Variants in SLC10A7 observed in about 807,000 individuals in gnomAD.
The protein encoded by SLC10A7 is solute carrier family 10 member 7, also known as sodium/bile acid cotransporter 7.
SLC10A7 carries 29 observed loss-of-function variants against 43.2 expected under a neutral mutation model. The observed-to-expected ratio is 0.67, with a 90% CI of 0.50 to 0.92. SLC10A7 has a LOEUF of 0.92. Among genes scored for constraint, SLC10A7 ranks in the 40% least tolerant of loss-of-function variants. The pLI is 0.00. For missense variants in SLC10A7, 295 were observed against 403.2 expected (o/e 0.73, Z 2.30); for synonymous variants, 152 against 144.8 (o/e 1.05, Z -0.35).
At chr4:146,481,565 G>C (rs376710505) in intron 4 of SLC10A7, among the ~76,000 whole-genome samples, 1 of 152,206 alleles carries the variant, frequency 6.6e-6, no homozygotes, top group African/African-American at 2.4e-5. Flanking sequence ...CCCTGGGCCT[G>C]AGCCTCTGGA....
chr4:146,344,144 C>T (rs957058295), intron 5 of SLC10A7, among the ~76,000 whole-genome samples: 3 of 152,000 alleles, frequency 2.0e-5, no homozygotes, highest in Admixed American at 2.0e-4. Flanking sequence ...AGTTAAGTTG[C>T]AGTATCTAAG....
chr4:146,258,688 TCACC>T lies in SLC10A7; in HGVS notation c.993_993+3del. ...ATCCAAATAAGATCTTTCTGGGGAC[TCACC>T]TTCTGCCTTGATACCATCCAAGACT... On this transcript the variant is annotated splice_donor_variant and splice_donor_region_variant and coding_sequence_variant and intron_variant, in exon 11 of 12. Transcript: ENST00000335472. LOFTEE classifies it high-confidence loss of function. The T allele has an allele frequency of 6.3e-7, 1 of 1,577,086 alleles. No homozygotes were observed. Among genetic ancestry groups the T allele is most frequent in the Non-Finnish European group, 8.5e-7 (1 of 1,170,460 alleles).
At chr4:146,447,984 G>T (rs760230280) in intron 4 of SLC10A7, among the ~76,000 whole-genome samples, 2 of 150,872 alleles carry the variant, frequency 1.3e-5, no homozygotes, top group African/African-American at 4.9e-5. Context: ...ACCAAACACC[G>T]CATGTTCTCA....
chr4:146,510,563 A>T (rs1737368276), intron 2 of SLC10A7, among the ~76,000 whole-genome samples: 1 of 152,076 alleles, frequency 6.6e-6, no homozygotes. Context: ...CTGGCCTAAA[A>T]TTTTTTAAAT....
At chr4:146,326,098 C>T in intron 5 of SLC10A7, 102 bp from the exon 6 acceptor site, 1 of 914,874 alleles carries the variant, frequency 1.1e-6, no homozygotes, top group East Asian at 2.7e-5. Context: ...TATCTTCTCA[C>T]TGCTGTTTAA....
intron 1 of SLC10A7, among the ~76,000 whole-genome samples, chr4:146,519,678 A>C (rs1313698075): frequency 2.0e-5 from 3 of 152,122 alleles, no homozygotes; most frequent in Non-Finnish European, 4.4e-5. Flanking sequence ...AAAGTCAAGG[A>C]ATCTGGCTTG....
intron 6 of SLC10A7, among the ~76,000 whole-genome samples, chr4:146,310,223 T>C (rs1731869733): frequency 1.3e-5 from 2 of 152,184 alleles, no homozygotes; most frequent in African/African-American, 4.8e-5. Context: ...TAATCCACTG[T>C]TGATGGTCAC....
chr4:146,324,455 C>T (rs1268457775), intron 6 of SLC10A7, among the ~76,000 whole-genome samples: 1 of 152,186 alleles, frequency 6.6e-6, no homozygotes, highest in African/African-American at 2.4e-5. Context: ...AGGCCTCAGC[C>T]ACCTAATTGT....
At chr4:146,286,120 G>A (rs985905118) in intron 9 of SLC10A7, among the ~76,000 whole-genome samples, 91 of 152,022 alleles carry the variant, frequency 6.0e-4, no homozygotes, top group African/African-American at 1.6e-3. Flanking sequence ...GGAGTGGTGA[G>A]AAGGACTGTG....
At chr4:146,480,517 G>A (rs1022442531) in intron 4 of SLC10A7, among the ~76,000 whole-genome samples, 2 of 152,040 alleles carry the variant, frequency 1.3e-5, no homozygotes, top group African/African-American at 2.4e-5. Context: ...TCATTAGCAG[G>A]CATCTCATGA....
intron 5 of SLC10A7, among the ~76,000 whole-genome samples, chr4:146,356,334 T>C (rs1489187490): frequency 6.6e-6 from 1 of 152,148 alleles, no homozygotes. Context: ...CTTAATCCAA[T>C]ATATTACTAA....
At chr4:146,273,975 A>G (rs992238079) in intron 10 of SLC10A7, among the ~76,000 whole-genome samples, 6 of 152,074 alleles carry the variant, frequency 3.9e-5, no homozygotes, top group Non-Finnish European at 8.8e-5. Flanking sequence ...TTCTACAGTA[A>G]TAATTGTGTT....
chr4:146,430,854 AT>A (rs955181779), intron 5 of SLC10A7, among the ~76,000 whole-genome samples: 16 of 152,058 alleles, frequency 1.1e-4, no homozygotes, highest in Non-Finnish European at 1.6e-4. Flanking sequence ...TATTAGTAGA[AT>A]TTTTTTCCCC....
chr4:146,481,948 C>T (rs564210031), intron 4 of SLC10A7, among the ~76,000 whole-genome samples: 1 of 152,294 alleles, frequency 6.6e-6, no homozygotes, highest in African/African-American at 2.4e-5. Context: ...CCTAAAGTCC[C>T]TGCCCTAATA....
At chr4:146,272,643 A>G (rs997417452) in intron 10 of SLC10A7, among the ~76,000 whole-genome samples, 4 of 152,052 alleles carry the variant, frequency 2.6e-5, no homozygotes, top group African/African-American at 9.7e-5. Context: ...GAGAGATGCA[A>G]CTCTGAAAGG....
At chr4:146,427,047 T>G (rs1729418226) in intron 5 of SLC10A7, among the ~76,000 whole-genome samples, 1 of 152,246 alleles carries the variant, frequency 6.6e-6, no homozygotes, top group South Asian at 2.1e-4. Flanking sequence ...TTTAGAAAAT[T>G]CTTACTGATT....
At chr4:146,480,795 G>A (rs4835314) in intron 4 of SLC10A7, among the ~76,000 whole-genome samples, 118,931 of 151,902 alleles carry the variant, frequency 0.78, 46,890 homozygotes, top group East Asian at 0.95. Flanking sequence ...CCAGAAGAGC[G>A]ATGTCAGCAA....
At chr4:146,428,016 T>TA (rs111913486) in intron 5 of SLC10A7, among the ~76,000 whole-genome samples, 7 of 147,494 alleles carry the variant, frequency 4.7e-5, no homozygotes, top group Admixed American at 6.8e-5. Context: ...TACAAAAAAT[T>TA]AAAAAAAAAA....
intron 5 of SLC10A7, among the ~76,000 whole-genome samples, chr4:146,328,152 G>C (rs949430159): frequency 2.6e-5 from 4 of 152,030 alleles, no homozygotes; most frequent in African/African-American, 9.7e-5. Flanking sequence ...CTAAGACTAG[G>C]CCTGGCTTAC....
Sources: allele counts gnomAD v4.1 joint callset (sites outside exome capture counted in the v4.1 genomes callset), GRCh38; gene constraint gnomAD v4.1.1; transcripts MANE v1.5; gene names NCBI Gene and HGNC (gene_info 2026-07-23, HGNC 2026-07-21).